ASTN2: variants seen among roughly 807,000 people sequenced by gnomAD.
ASTN2 encodes astrotactin 2.
In ASTN2, 54 loss-of-function variants were observed where a neutral mutation model predicts 139.8. The ratio of observed to expected loss-of-function variants is 0.39; its 90% CI spans 0.31 to 0.48. The LOEUF (loss-of-function observed/expected upper bound fraction) is 0.48. Ranked by LOEUF, ASTN2 falls within the 20% of genes least tolerant of loss-of-function variation. The pLI is 0.95. For synonymous variants in ASTN2, 756 were observed against 719.5 expected (o/e 1.05, Z -0.81); for missense variants, 1,565 against 1,725.1 (o/e 0.91, Z 1.64).
intron 19 of ASTN2, among the ~76,000 whole-genome samples, chr9:116,602,425 G>T (rs1280777080): frequency 6.6e-6 from 1 of 152,026 alleles, no homozygotes; most frequent in Non-Finnish European, 1.5e-5. Flanking sequence ...TAAGGAGAGA[G>T]ATTATATGTA....
intron 1 of ASTN2, among the ~76,000 whole-genome samples, chr9:117,386,657 G>C (rs187699461): frequency 6.6e-6 from 1 of 152,194 alleles, no homozygotes; most frequent in East Asian, 1.9e-4. Context: ...AGTTCTGTAA[G>C]GTCCTAGGAC....
intron 10 of ASTN2, among the ~76,000 whole-genome samples, chr9:116,935,749 T>TG (rs1835048975): frequency 6.6e-6 from 1 of 152,194 alleles, no homozygotes; most frequent in Non-Finnish European, 1.5e-5. Flanking sequence ...TGCCTGAACT[T>TG]GGGGGTATGT....
chr9:116,616,314 T>C (rs899251032), intron 19 of ASTN2, among the ~76,000 whole-genome samples: 100 of 152,186 alleles, frequency 6.6e-4, no homozygotes, highest in Non-Finnish European at 1.5e-4. Flanking sequence ...AGGCAAGGAA[T>C]GGAGTATGCC....
intron 5 of ASTN2, among the ~76,000 whole-genome samples, chr9:117,093,330 A>G (rs1295391524): frequency 6.6e-6 from 1 of 152,166 alleles, no homozygotes; most frequent in Non-Finnish European, 1.5e-5. Flanking sequence ...GGTTTCAAGT[A>G]ATTTTAATCT....
chr9:116,920,923 C>G (rs2132435456), intron 10 of ASTN2, among the ~76,000 whole-genome samples: 1 of 152,304 alleles, frequency 6.6e-6, no homozygotes, highest in East Asian at 1.9e-4. Flanking sequence ...CAGGAAATAT[C>G]CATCTGTTTT....
At chr9:117,096,879 C>T (rs761787185) in intron 4 of ASTN2, among the ~76,000 whole-genome samples, 3 of 152,174 alleles carry the variant, frequency 2.0e-5, no homozygotes, top group Non-Finnish European at 4.4e-5. Flanking sequence ...CCAGCTTGAG[C>T]ACCCTCAGGA....
chr9:116,864,011 TAAGGGAACTAGGCTTAGC>T (rs2132341763), intron 10 of ASTN2, among the ~76,000 whole-genome samples: 1 of 152,226 alleles, frequency 6.6e-6, no homozygotes, highest in South Asian at 2.1e-4. Context: ...CACTTTACCG[TAAGGGAACTAGGCTTAGC>T]AAGGTGAAGT....
intron 16 of ASTN2, among the ~76,000 whole-genome samples, chr9:116,718,966 G>GTATATA (rs1219672903): frequency 1.3e-4 from 4 of 31,772 alleles, no homozygotes; most frequent in African/African-American, 5.0e-4. Flanking sequence ...ATCTATACCT[G>GTATATA]TATCTGTACA....
chr9:116,608,641 T>C (rs111991156), intron 19 of ASTN2, among the ~76,000 whole-genome samples: 8 of 152,220 alleles, frequency 5.3e-5, no homozygotes, highest in Non-Finnish European at 1.0e-4. Flanking sequence ...CAAAATATTT[T>C]GAACAAAAGA....
At chr9:116,531,828 G>T (rs1399529671) in intron 19 of ASTN2, among the ~76,000 whole-genome samples, 1 of 152,082 alleles carries the variant, frequency 6.6e-6, no homozygotes. Flanking sequence ...GAAAACATAC[G>T]TGTGCATGTG....
chr9:116,498,786 T>C (rs1849756898), intron 19 of ASTN2, among the ~76,000 whole-genome samples: 1 of 152,206 alleles, frequency 6.6e-6, no homozygotes. Context: ...CATATGCCAA[T>C]GTTCAGCTCC....
intron 19 of ASTN2, among the ~76,000 whole-genome samples, chr9:116,617,774 G>T (rs539883790): frequency 6.6e-4 from 100 of 152,318 alleles, no homozygotes; most frequent in African/African-American, 2.4e-3. Context: ...TGAACGCTTT[G>T]CTTCTTGGCA....
chr9:116,650,883 A>G (rs73528796), intron 17 of ASTN2, among the ~76,000 whole-genome samples: 1,691 of 151,754 alleles, frequency 0.011, 29 homozygotes, highest in African/African-American at 0.039. Flanking sequence ...CATCAGGTCA[A>G]TGCAGCACAA....
chr9:116,829,938 C>T (rs1316555356), intron 11 of ASTN2, among the ~76,000 whole-genome samples: 1 of 152,142 alleles, frequency 6.6e-6, no homozygotes, highest in Non-Finnish European at 1.5e-5. Flanking sequence ...ACCTAGAAAA[C>T]ACCATTTTGG....
In ASTN2 at chr9:117,213,600, G is replaced by T. The variant is rs114387743; in HGVS notation, c.1015+758C>A. ...TTTGTCAATATAAAAAAACATAAAA[G>T]AAGTCTAATATGAGCCAGCAATAAC... On this transcript the variant is annotated intron_variant, in intron 3 of 22. Coordinates refer to ENST00000313400, the MANE Select transcript of ASTN2 (RefSeq NM_001365068.1). Among the ~76,000 whole-genome samples the T allele has an allele frequency of 6.9e-3, 1,054 of 152,122 alleles. 12 individuals are homozygous for T. Among genetic ancestry groups the T allele is most frequent in the African/African-American group, 0.024 (994 of 41,504 alleles).
chr9:116,745,546 C>A (rs138506320), intron 13 of ASTN2, among the ~76,000 whole-genome samples: 1 of 152,144 alleles, frequency 6.6e-6, no homozygotes, highest in Non-Finnish European at 1.5e-5. Context: ...GTTCTCTGCA[C>A]GTGTTTCCCA....
chr9:117,140,031 G>A (rs549139854), intron 4 of ASTN2, among the ~76,000 whole-genome samples: 1 of 152,278 alleles, frequency 6.6e-6, no homozygotes, highest in African/African-American at 2.4e-5. Flanking sequence ...TACAATAGCT[G>A]TTTGTACCTT....
intron 11 of ASTN2, among the ~76,000 whole-genome samples, chr9:116,825,455 G>C (rs943304): frequency 0.79 from 120,808 of 152,180 alleles, 48,147 homozygotes; most frequent in East Asian, 0.91. Context: ...TAGTTGGGAG[G>C]AATCACGATG....
chr9:116,516,642 T>C (rs1321077194), intron 19 of ASTN2, among the ~76,000 whole-genome samples: 1 of 152,222 alleles, frequency 6.6e-6, no homozygotes, highest in East Asian at 1.9e-4. Context: ...ACTAGATCAC[T>C]GCTGCAGTCT....
Sources: gnomAD v4.1 joint callset for allele counts (sites outside exome capture counted in the v4.1 genomes callset) on GRCh38, gnomAD v4.1.1 for gene constraint, MANE v1.5 for transcripts, NCBI Gene and HGNC (gene_info 2026-07-23, HGNC 2026-07-21) for gene names.